Variants in WDR12 observed in about 807,000 individuals in gnomAD.
WDR12 encodes WD repeat domain 12.
A neutral mutation model predicts 64.3 loss-of-function variants in WDR12; 42 were observed. The ratio of observed to expected loss-of-function variants is 0.65; its 90% CI spans 0.51 to 0.84. The LOEUF is 0.84. Among genes scored for constraint, WDR12 ranks in the 40% least tolerant of loss-of-function variants. The pLI is 0.00. For missense variants in WDR12, 469 were observed against 494.6 expected, an observed-to-expected ratio of 0.95 and a Z score of 0.49; for synonymous variants, 158 against 173.3, an observed-to-expected ratio of 0.91 and a Z score of 0.70.
chr2:202,911,153 CTG>C (rs1240320036), intron 1 of WDR12, among the ~76,000 whole-genome samples: 23 of 152,086 alleles, frequency 1.5e-4, no homozygotes, highest in Non-Finnish European at 4.4e-5. Context: ...TTTTCAAAAA[CTG>C]TGAACCACCA....
At chr2:202,895,988 T>C (rs530302968) in intron 6 of WDR12, 77 bp downstream of exon 6, 2 of 1,519,256 alleles carry the variant, frequency 1.3e-6, no homozygotes, top group East Asian at 2.3e-5. Context: ...ACACAATGAA[T>C]ATATGCAGAA....
At chr2:202,894,995 A>G (rs1319991939) in intron 6 of WDR12, among the ~76,000 whole-genome samples, 3 of 152,196 alleles carry the variant, frequency 2.0e-5, no homozygotes, top group African/African-American at 7.2e-5. Flanking sequence ...GGATCTCACA[A>G]TCCATTTACT....
chr2:202,892,963 C>T (rs1415137557), intron 7 of WDR12, among the ~76,000 whole-genome samples: 1 of 151,928 alleles, frequency 6.6e-6, no homozygotes, highest in East Asian at 1.9e-4. Flanking sequence ...TCTTTAAGGT[C>T]ATCATTATAA....
At chr2:202,885,567 T>C (rs1323403057) in intron 8 of WDR12, among the ~76,000 whole-genome samples, 3 of 152,178 alleles carry the variant, frequency 2.0e-5, no homozygotes, top group African/African-American at 7.2e-5. Flanking sequence ...TCTACACAAC[T>C]CCTCCAGGTA....
intron 8 of WDR12, among the ~76,000 whole-genome samples, chr2:202,886,247 A>C (rs1688045510): frequency 6.6e-6 from 1 of 151,544 alleles, no homozygotes; most frequent in Non-Finnish European, 1.5e-5. Context: ...ACTTGAGCTC[A>C]GGAGTTCAAG....
Position 202,897,906 on chromosome 2 carries a change from A to ATAT in WDR12, c.339-492_339-491insATA, listed in dbSNP as rs1201879973. On this transcript the variant is annotated intron_variant, in intron 4 of 12. Coordinates refer to ENST00000261015, the MANE Select transcript of WDR12 (RefSeq NM_018256.4). ...TCCGTTTCAAAAAAAAAAAAAAAAA[A>ATAT]AAATATATATATATATATAAAAAAT... Among the ~76,000 whole-genome samples the ATAT allele has an allele frequency of 9.1e-3, 428 of 47,286 alleles. 3 individuals are homozygous for ATAT. Among genetic ancestry groups the ATAT allele is most frequent in the East Asian group, 0.053 (94 of 1,788 alleles). 31.0% of individuals were successfully genotyped at this position (47,286 alleles called of 152,430 possible).
chr2:202,905,281 G>A (rs1688433475), intron 2 of WDR12, among the ~76,000 whole-genome samples: 1 of 152,162 alleles, frequency 6.6e-6, no homozygotes, highest in Non-Finnish European at 1.5e-5. Context: ...GAGTAGCTGG[G>A]TTTACAGGCA....
intron 9 of WDR12, 22 bp from the exon 10 acceptor site, chr2:202,884,325 C>T (rs749047739): frequency 1.9e-6 from 3 of 1,613,070 alleles, no homozygotes; most frequent in African/African-American, 2.7e-5. Flanking sequence ...AAGGAAAGAA[C>T]ATTAACCATG....
intron 2 of WDR12, among the ~76,000 whole-genome samples, chr2:202,903,452 G>T (rs1688388206): frequency 1.1e-4 from 1 of 9,292 alleles, no homozygotes; most frequent in Non-Finnish European, 8.3e-4. Flanking sequence ...CAGATGGAAG[G>T]AAGGAAGGAA....
chr2:202,898,584 A>T (rs1171054561), intron 4 of WDR12, among the ~76,000 whole-genome samples: 1 of 152,202 alleles, frequency 6.6e-6, no homozygotes, highest in Non-Finnish European at 1.5e-5. Context: ...TCTACTCTTG[A>T]GTTGTTTTCC....
chr2:202,888,744 ACT>A (rs1688095060), intron 8 of WDR12, among the ~76,000 whole-genome samples: 1 of 152,076 alleles, frequency 6.6e-6, no homozygotes, highest in African/African-American at 2.4e-5. Context: ...ACAAGGCCTC[ACT>A]CTGTCGCCCA....
At chr2:202,897,236 CA>C in intron 5 of WDR12, 63 bp downstream of exon 5, 9 of 1,189,132 alleles carry the variant, frequency 7.6e-6, no homozygotes, top group South Asian at 2.8e-5. Context: ...TCCCCAGCAC[CA>C]AAAATGGCTT....
chr2:202,894,645 A>G lies in WDR12; in HGVS notation c.610-19T>C. 6.3e-7 allele frequency: 1 copy of G among 1,599,966 alleles called. No homozygotes were observed. Among genetic ancestry groups the G allele is most frequent in the Non-Finnish European group, 8.5e-7 (1 of 1,172,190 alleles). On this transcript the variant is annotated intron_variant, in intron 6 of 12. Coordinates refer to ENST00000261015, the MANE Select transcript of WDR12 (RefSeq NM_018256.4). ...TGCAAAACTAAACAGATGTATATGA[A>G]GGGAAAAGACATATGTAATATGATT...
Position 202,876,875 on chromosome 2 carries a change from G to T in WDR12, c.*3985C>A. The T allele has an allele frequency of 6.5e-6, 1 of 152,706 alleles. No individual in the cohort carries two copies. The highest frequency in any genetic ancestry group is 1.9e-4 in the South Asian group (1 of 5,250). The allele number at this position is 152,706 out of a possible 1,614,324, so 9.5% of individuals were successfully genotyped here. ...GAGTCCGGGAGTTAGAGGCTGCAGT[G>T]AGCTATAATCGGGCCGCTGCACTCT... is the stretch of plus-strand genomic sequence containing the variant. On this transcript the variant is annotated 3_prime_UTR_variant, in exon 13 of 13. Coordinates refer to ENST00000261015, the MANE Select transcript of WDR12 (RefSeq NM_018256.4).
At chr2:202,899,505 AG>A in intron 4 of WDR12, 25 bp downstream of exon 4, 1 of 1,593,120 alleles carries the variant, frequency 6.3e-7, no homozygotes. Flanking sequence ...AACAAAAAAA[AG>A]AGAAGGGCAT....
chr2:202,899,767 T>G, intron 3 of WDR12, 130 bp from the exon 4 acceptor site: 1 of 716,844 alleles, frequency 1.4e-6, no homozygotes, highest in South Asian at 2.3e-5. Context: ...CTCAGCAAAT[T>G]TGGAGCCATT....
intron 1 of WDR12, 122 bp from the exon 2 acceptor site, chr2:202,908,081 T>A (rs1225762583): frequency 1.1e-6 from 1 of 878,326 alleles, no homozygotes; most frequent in Non-Finnish European, 1.8e-6. Flanking sequence ...TTTTGCTACA[T>A]GTTGTAAACA....
intron 3 of WDR12, among the ~76,000 whole-genome samples, chr2:202,900,235 G>A (rs971472926): frequency 2.0e-5 from 3 of 151,264 alleles, no homozygotes; most frequent in Non-Finnish European, 4.4e-5. Context: ...AGGCTGAGGC[G>A]CAAGAATCAT....
intron 8 of WDR12, among the ~76,000 whole-genome samples, chr2:202,888,756 A>C (rs754836166): frequency 6.6e-6 from 1 of 152,172 alleles, no homozygotes; most frequent in African/African-American, 2.4e-5. Context: ...TCTGTCGCCC[A>C]AACTGGAGTG....
Sources: gnomAD v4.1 joint callset for allele counts (sites outside exome capture counted in the v4.1 genomes callset) on GRCh38, gnomAD v4.1.1 for gene constraint, MANE v1.5 for transcripts, NCBI Gene and HGNC (gene_info 2026-07-23, HGNC 2026-07-21) for gene names.